ANKMY2: variants seen among roughly 807,000 people sequenced by gnomAD.
ANKMY2 encodes ankyrin repeat and MYND domain containing 2.
Under a neutral mutation model 50.4 loss-of-function variants are expected in ANKMY2, and 36 were observed. The ratio of observed to expected loss-of-function variants is 0.71; its 90% CI spans 0.55 to 0.94. The LOEUF (loss-of-function observed/expected upper bound fraction) is 0.94, where lower values mean the gene tolerates loss of function less well. Among genes scored for constraint, ANKMY2 ranks in the 40% least tolerant of loss-of-function variants. ANKMY2 has a pLI of 0.00. For missense variants in ANKMY2, 565 were observed against 524.0 expected, an observed-to-expected ratio of 1.08 and a Z score of -0.76; for synonymous variants, 187 against 178.8, an observed-to-expected ratio of 1.05 and a Z score of -0.36.
intron 2 of ANKMY2, among the ~76,000 whole-genome samples, chr7:16,634,916 G>T (rs1355389617): frequency 2.0e-5 from 3 of 151,916 alleles, no homozygotes; most frequent in African/African-American, 7.3e-5. Flanking sequence ...GAATCATACA[G>T]CACCCAGTAA....
intron 9 of ANKMY2, 100 bp from the exon 10 acceptor site, chr7:16,601,045 G>T: frequency 1.1e-6 from 1 of 899,978 alleles, no homozygotes; most frequent in Non-Finnish European, 1.6e-6. Context: ...AACTACATGA[G>T]GTATATTAGT....
intron 8 of ANKMY2, chr7:16,603,809 C>A: frequency 2.3e-6 from 1 of 434,100 alleles, no homozygotes; most frequent in Non-Finnish European, 4.7e-6. Context: ...GCCATGACAA[C>A]ATGCTCAGCC....
At chr7:16,602,270 C>T in intron 9 of ANKMY2, 110 bp downstream of exon 9, 1 of 1,331,568 alleles carries the variant, frequency 7.5e-7, no homozygotes. Flanking sequence ...ACATCGGTCA[C>T]TCCTGAGCTC....
rs28362561 is a variant in ANKMY2 at position 16,645,704 on chromosome 7, C to A, written c.-131G>T. 185 of 991,066 alleles carry A rather than the reference C, an allele frequency of 1.9e-4. No individual in the cohort carries two copies. In the East Asian group the frequency reaches 5.5e-3, roughly 29 times the overall value. 61.4% of individuals were successfully genotyped at this position (991,066 alleles called of 1,614,324 possible). Reference sequence around the variant, plus strand: ...GACACTGAGTAGCCAACCGCGGAAACGCTTCGCTTCTCTCCTCCCTCCCGC... The same window carrying A: ...GACACTGAGTAGCCAACCGCGGAAAAGCTTCGCTTCTCTCCTCCCTCCCGC... On this transcript the variant is annotated 5_prime_UTR_variant, in exon 1 of 10. Coordinates refer to ENST00000306999, the MANE Select transcript of ANKMY2 (RefSeq NM_020319.3).
chr7:16,638,565 C>T (rs1437301601), intron 1 of ANKMY2, among the ~76,000 whole-genome samples: 1 of 152,208 alleles, frequency 6.6e-6, no homozygotes. Context: ...CTCTCTGCAA[C>T]CTGTAGTTCA....
chr7:16,636,532 A>C, intron 1 of ANKMY2, 77 bp from the exon 2 acceptor site: 1 of 1,168,632 alleles, frequency 8.6e-7, no homozygotes, highest in Non-Finnish European at 1.2e-6. Flanking sequence ...AAGGAAATAA[A>C]CCTTAAGGAG....
chr7:16,613,050 A>C (rs1781280558), intron 5 of ANKMY2, among the ~76,000 whole-genome samples: 1 of 152,194 alleles, frequency 6.6e-6, no homozygotes, highest in Admixed American at 6.5e-5. Flanking sequence ...ATAATCAAAG[A>C]CATGATTGTT....
At chr7:16,625,660 C>T (rs1306572045) in intron 3 of ANKMY2, among the ~76,000 whole-genome samples, 3 of 152,058 alleles carry the variant, frequency 2.0e-5, no homozygotes, top group Non-Finnish European at 4.4e-5. Flanking sequence ...ATTATGATTT[C>T]CTTAGGAACA....
intron 3 of ANKMY2, among the ~76,000 whole-genome samples, chr7:16,625,524 T>G (rs1462734458): frequency 1.3e-5 from 2 of 152,204 alleles, no homozygotes; most frequent in African/African-American, 4.8e-5. Context: ...TTTCTACACC[T>G]TTTTTCTATC....
At chr7:16,626,416 T>C (rs1449767280) in intron 3 of ANKMY2, among the ~76,000 whole-genome samples, 1 of 152,220 alleles carries the variant, frequency 6.6e-6, no homozygotes, top group South Asian at 2.1e-4. Context: ...TATTGTCCTT[T>C]TTGGATTCTG....
intron 1 of ANKMY2, among the ~76,000 whole-genome samples, chr7:16,642,061 T>TGA (rs1554263450): frequency 6.6e-6 from 1 of 151,672 alleles, no homozygotes; most frequent in Non-Finnish European, 1.5e-5. Context: ...TGTATCTCAA[T>TGA]AGTTGGTAAG....
rs978529719 is a variant in ANKMY2, at chr7:16,600,413, G to C, written c.*348C>G. 6 of 164,042 alleles carry C rather than the reference G, an allele frequency of 3.7e-5. No homozygotes were observed. Among genetic ancestry groups the C allele is most frequent in the Non-Finnish European group, 7.9e-5 (6 of 76,222 alleles). 10.2% of individuals were successfully genotyped at this position (164,042 alleles called of 1,614,324 possible). Reference sequence around the variant, plus strand: ...TCCTGAAAATCTCTCTTCCACACCTGTTCTGCTTGTCCCTTTGTTCCCTAA... The same window carrying C: ...TCCTGAAAATCTCTCTTCCACACCTCTTCTGCTTGTCCCTTTGTTCCCTAA... On this transcript the variant is annotated 3_prime_UTR_variant, in exon 10 of 10. Coordinates refer to ENST00000306999, the MANE Select transcript of ANKMY2 (RefSeq NM_020319.3).
rs1292997262 is a variant in ANKMY2, at chr7:16,627,168, G to T, written c.143C>A (p.Thr48Asn). ...TTTATATGCTGCATGCATTAGAGGA[G>T]TCATTCCATTCTTTAATAGAAAGAG... ...RVNCLDENGM[T>N]PLMHAAYKGK... is the part of the protein sequence containing the mutation. The change falls in exon 3 of 10, where the codon ACT (threonine) becomes AAT (asparagine). Residue 48 changes from threonine (T) to asparagine (N), a missense_variant. Transcript: ENST00000306999. 1 of 1,583,878 alleles carries T rather than the reference G, an allele frequency of 6.3e-7. No homozygotes were observed. Among genetic ancestry groups the T allele is most frequent in the Non-Finnish European group, 8.6e-7 (1 of 1,161,860 alleles).
intron 4 of ANKMY2, among the ~76,000 whole-genome samples, chr7:16,616,733 G>A (rs1162080220): frequency 6.6e-6 from 1 of 152,236 alleles, no homozygotes; most frequent in Non-Finnish European, 1.5e-5. Context: ...ATGAGGGCTG[G>A]GGGACCAGCG....
rs752430998 is a variant in ANKMY2 at position 16,600,774 on chromosome 7, A to C, written c.1313T>G (p.Val438Gly). 10 of 1,609,190 alleles carry C rather than the reference A, an allele frequency of 6.2e-6. No individual in the cohort carries two copies. Among genetic ancestry groups the C allele is most frequent in the Non-Finnish European group, 7.6e-6 (9 of 1,177,840 alleles). Residue 438 changes from valine to glycine, a missense_variant, in exon 10 of 10, where the codon GTG becomes GGG. Physicochemically the swap from Val to Gly is moderately radical, Grantham distance 109. Transcript: ENST00000306999. The part of the protein sequence containing the change: ...GLQDAPAGPQ[V>G]SEE Reference sequence around the variant, plus strand: ...TTGCTCTGGCTTTTACTCCTCAGACACCTGTGGCCCTGCAGGAGCATCCTG... The same window carrying C: ...TTGCTCTGGCTTTTACTCCTCAGACCCCTGTGGCCCTGCAGGAGCATCCTG...
At chr7:16,612,613 T>G (rs527685177) in intron 5 of ANKMY2, among the ~76,000 whole-genome samples, 1 of 152,300 alleles carries the variant, frequency 6.6e-6, no homozygotes, top group African/African-American at 2.4e-5. Flanking sequence ...AAGTGAGAAT[T>G]CTTTCAAAAA....
intron 5 of ANKMY2, among the ~76,000 whole-genome samples, chr7:16,615,140 G>A (rs1781321665): frequency 6.6e-6 from 1 of 152,202 alleles, no homozygotes; most frequent in South Asian, 2.1e-4. Flanking sequence ...GAAGAACTAT[G>A]TTATTTAAAG....
chr7:16,621,760 A>G (rs1039170007), intron 4 of ANKMY2, among the ~76,000 whole-genome samples: 1 of 152,020 alleles, frequency 6.6e-6, no homozygotes, highest in Non-Finnish European at 1.5e-5. Flanking sequence ...CCTAAGGTCA[A>G]GAGTTCGAGA....
At chr7:16,606,872 C>G (rs1352619080) in intron 7 of ANKMY2, among the ~76,000 whole-genome samples, 1 of 152,216 alleles carries the variant, frequency 6.6e-6, no homozygotes, top group African/African-American at 2.4e-5. Context: ...GCTACGAATT[C>G]TCTTTTGTGC....
Sources: gnomAD v4.1 joint callset for allele counts (sites outside exome capture counted in the v4.1 genomes callset) on GRCh38, gnomAD v4.1.1 for gene constraint, MANE v1.5 for transcripts, NCBI Gene and HGNC (gene_info 2026-07-23, HGNC 2026-07-21) for gene names.